ST3GAL4: variants seen among roughly 807,000 people sequenced by gnomAD.
ST3GAL4 encodes CMP-N-acetylneuraminate-beta-galactosamide-alpha-2,3-sialyltransferase 4.
In ST3GAL4, 24 loss-of-function variants were observed where a neutral mutation model predicts 42.6. The observed-to-expected ratio is 0.56, with a 90% CI of 0.41 to 0.79. ST3GAL4 has a LOEUF of 0.79. ST3GAL4 is among the 30% of genes least tolerant of loss of function. ST3GAL4 has a pLI of 0.00. For missense variants in ST3GAL4, 311 were observed against 430.8 expected (o/e 0.72, Z 2.46); for synonymous variants, 135 against 163.2 (o/e 0.83, Z 1.32).
intron 1 of ST3GAL4, chr11:126,405,857 C>CCCTG (rs1158403792): frequency 1.1e-5 from 6 of 555,144 alleles, no homozygotes; most frequent in Non-Finnish European, 1.9e-5. Context: ...AGTCCCGAGT[C>CCCTG]CCTGGCTGGA....
Position 126,406,986 on chromosome 11 carries a change from G to C in ST3GAL4, c.145G>C (p.Gly49Arg), listed in dbSNP as rs1038250715. 5 of 1,614,082 alleles carry C rather than the reference G, an allele frequency of 3.1e-6. No homozygotes were observed. Among genetic ancestry groups the C allele is most frequent in the Non-Finnish European group, 4.2e-6 (5 of 1,180,014 alleles). The change falls in exon 4 of 11, where the codon GGT becomes CGT. Residue 49 changes from glycine (G) to arginine (R), a missense_variant. Coordinates refer to ENST00000444328, the MANE Select transcript of ST3GAL4 (RefSeq NM_001254757.2). This position sits in a 1 kb window ranked among gnomAD's most constrained non-coding sequence, Gnocchi z 5.4. ...IPEKKEPCLQ[G>R]EAESKASKLF... ...AGAGAAGAAGGAGCCGTGCCTCCAG[G>C]GTGAGGCAGAGAGCAAGGCCTCTAA...
rs187809393 is a variant in ST3GAL4, at chr11:126,396,317, C to T, written c.-60-9779C>T. ...TACAGCCCAGGCCCGCGCTGAGGTT[C>T]GGCAGGGAAGCCAGAGGAGTCCGCA... On this transcript the variant is annotated intron_variant, in intron 1 of 10. Transcript: ENST00000444328. This position sits in a 1 kb window ranked among gnomAD's most constrained non-coding sequence, Gnocchi z 5.8. Among the ~76,000 whole-genome samples the T allele has an allele frequency of 6.6e-6, 1 of 152,040 alleles. No individual in the cohort carries two copies. Among genetic ancestry groups the T allele is most frequent in the African/African-American group, 2.4e-5 (1 of 41,318 alleles).
chr11:126,361,919 T>C (rs1952257157), intron 1 of ST3GAL4, among the ~76,000 whole-genome samples: 1 of 151,650 alleles, frequency 6.6e-6, no homozygotes, highest in Non-Finnish European at 1.5e-5. Flanking sequence ...TCTGGCTCTA[T>C]TGCCCAGGCT....
At chr11:126,412,209 T>C (rs1340116275) in intron 9 of ST3GAL4, among the ~76,000 whole-genome samples, 1 of 151,968 alleles carries the variant, frequency 6.6e-6, no homozygotes, top group Non-Finnish European at 1.5e-5. Flanking sequence ...TAGAAGGCCA[T>C]GGAAGTGTGG....
chr11:126,404,541 G>A (rs2135534782), intron 1 of ST3GAL4, among the ~76,000 whole-genome samples: 1 of 152,362 alleles, frequency 6.6e-6, no homozygotes, highest in South Asian at 2.1e-4. Flanking sequence ...ATGAAGGCGA[G>A]GAGGGCCATG....
At position 126,355,811 on chromosome 11, in the gene ST3GAL4, C is replaced by T. The variant is rs868593203; in HGVS notation, c.-92C>T. ...TAGCGGATCGGAGCTGCGCGCGGAACCGTGCTGCCCCGCCCCGCTCCACCC... is the reference window on the plus strand; with the variant it reads ...TAGCGGATCGGAGCTGCGCGCGGAATCGTGCTGCCCCGCCCCGCTCCACCC... On this transcript the variant is annotated 5_prime_UTR_variant, in exon 1 of 11. Transcript: ENST00000444328. This position sits in a 1 kb window ranked among gnomAD's most constrained non-coding sequence, Gnocchi z 7.1. 2.7e-4 allele frequency: 41 copies of T among 150,828 alleles called. No homozygotes were observed. The highest frequency in any genetic ancestry group is 3.4e-3 in the Middle Eastern group (1 of 292). 9.3% of individuals were successfully genotyped at this position (150,828 alleles called of 1,614,324 possible). A position where few individuals can be genotyped will look rare whatever the true frequency, so the allele number is the denominator to read the frequency against.
intron 1 of ST3GAL4, among the ~76,000 whole-genome samples, chr11:126,402,233 A>G (rs112760836): frequency 0.037 from 5,640 of 152,094 alleles, 344 homozygotes; most frequent in African/African-American, 0.13. Flanking sequence ...AGGTAGGTGG[A>G]TCACTTGAGG....
intron 1 of ST3GAL4, among the ~76,000 whole-genome samples, chr11:126,395,868 A>G (rs1372147646): frequency 6.6e-6 from 1 of 152,196 alleles, no homozygotes; most frequent in African/African-American, 2.4e-5. Context: ...AAAACAGACT[A>G]ACGCAGGCAG....
In ST3GAL4 at chr11:126,366,888, C is replaced by T. The variant is rs1952450423; in HGVS notation, c.-61+11046C>T. 6.6e-6 allele frequency among the ~76,000 whole-genome samples: 1 copy of T among 152,192 alleles called. No individual in the cohort carries two copies. ...AGAGCCGAGAGCCTGAATTCAGAGGCTGTACTGTGGGGCAGGGCTGGAATT... is the reference window on the plus strand; with the variant it reads ...AGAGCCGAGAGCCTGAATTCAGAGGTTGTACTGTGGGGCAGGGCTGGAATT... On this transcript the variant is annotated intron_variant, in intron 1 of 10. Coordinates refer to ENST00000444328, the MANE Select transcript of ST3GAL4 (RefSeq NM_001254757.2). The surrounding 1 kb of genome is among the most constrained non-coding windows in gnomAD (Gnocchi z 4.2).
In ST3GAL4 at chr11:126,392,315, C is replaced by T. The variant is rs942232309; in HGVS notation, c.-60-13781C>T. 1.6e-5 allele frequency: 16 copies of T among 985,738 alleles called. No homozygotes were observed. The highest frequency in any genetic ancestry group is 1.0e-4 in the African/African-American group (6 of 57,236). The allele number at this position is 985,738 out of a possible 1,614,324, so 61.1% of individuals were successfully genotyped here. A position where few individuals can be genotyped will look rare whatever the true frequency, so the allele number is the denominator to read the frequency against. On this transcript the variant is annotated intron_variant, in intron 1 of 10. Transcript: ENST00000444328. The surrounding 1 kb of genome is among the most constrained non-coding windows in gnomAD (Gnocchi z 5.8). The stretch of plus-strand genomic sequence containing the variant: ...CCTGGGACTGCACAGAGTTTACTGT[C>T]GGACATCAGTTCTGATATGGTGCAG...
At position 126,398,724 on chromosome 11, in the gene ST3GAL4, G is replaced by A. The variant is rs1009642937; in HGVS notation, c.-60-7372G>A. On this transcript the variant is annotated intron_variant, in intron 1 of 10. Transcript: ENST00000444328. This position sits in a 1 kb window ranked among gnomAD's most constrained non-coding sequence, Gnocchi z 4.7. ...CAATATCCTTTGAAATCTAGTTGGAGGGAGCCAGGCCCATAGCCCCTGCAT... is the reference window on the plus strand; with the variant it reads ...CAATATCCTTTGAAATCTAGTTGGAAGGAGCCAGGCCCATAGCCCCTGCAT... 2.0e-5 allele frequency among the ~76,000 whole-genome samples: 3 copies of A among 152,234 alleles called. No individual in the cohort carries two copies. Among genetic ancestry groups the A allele is most frequent in the Admixed American group, 2.0e-4 (3 of 15,284 alleles).
intron 1 of ST3GAL4, among the ~76,000 whole-genome samples, chr11:126,361,894 T>G (rs1277377619): frequency 3.9e-5 from 6 of 151,916 alleles, no homozygotes; most frequent in Non-Finnish European, 8.8e-5. Flanking sequence ...CTTTTTTTTT[T>G]TTTTTGAGAT....
At chr11:126,389,074 C>T (rs1004420105) in intron 1 of ST3GAL4, among the ~76,000 whole-genome samples, 1 of 152,014 alleles carries the variant, frequency 6.6e-6, no homozygotes, top group Non-Finnish European at 1.5e-5. Context: ...CACCGCTCCC[C>T]GGCTCAGTTG....
Position 126,409,408 on chromosome 11 carries a change from G to A in ST3GAL4, c.768G>A (p.Lys256=). The change falls in exon 9 of 11, where the codon AAG becomes AAA. Residue 256 remains lysine (K), a synonymous_variant. Coordinates refer to ENST00000444328, the MANE Select transcript of ST3GAL4 (RefSeq NM_001254757.2). The surrounding 1 kb of genome is among the most constrained non-coding windows in gnomAD (Gnocchi z 4.9). ...CAATGCAACAGCCACGGAAGATTAA[G>A]CAGGTGATGATGGGAAGTCAGGCCT... ...SLPMQQPRKI[K]QKPTTGLLAI... 6.2e-7 allele frequency: 1 copy of A among 1,614,242 alleles called. No individual in the cohort carries two copies. Among genetic ancestry groups the A allele is most frequent in the Non-Finnish European group, 8.5e-7 (1 of 1,180,040 alleles).
chr11:126,387,320 T>A (rs1253526168), intron 1 of ST3GAL4, among the ~76,000 whole-genome samples: 11 of 152,186 alleles, frequency 7.2e-5, no homozygotes, highest in African/African-American at 2.7e-4. Context: ...TTTCAATATT[T>A]TTTTTCTTCC....
At chr11:126,401,817 T>C (rs1230676277) in intron 1 of ST3GAL4, among the ~76,000 whole-genome samples, 1 of 151,650 alleles carries the variant, frequency 6.6e-6, no homozygotes, top group East Asian at 1.9e-4. Context: ...GGGAGTGGCA[T>C]AGGGGTCGGG....
chr11:126,404,736 G>A (rs1337024970), intron 1 of ST3GAL4, among the ~76,000 whole-genome samples: 1 of 152,214 alleles, frequency 6.6e-6, no homozygotes, highest in Non-Finnish European at 1.5e-5. Context: ...TGGGGATGGT[G>A]CTTCTGACTC....
At chr11:126,387,844 G>A (rs1334053239) in intron 1 of ST3GAL4, among the ~76,000 whole-genome samples, 1 of 152,194 alleles carries the variant, frequency 6.6e-6, no homozygotes, top group Non-Finnish European at 1.5e-5. Flanking sequence ...GGGTATGCAT[G>A]TAACTGTTTT....
intron 5 of ST3GAL4, 65 bp from the exon 6 acceptor site, chr11:126,407,509 G>A: frequency 1.3e-6 from 2 of 1,597,178 alleles, no homozygotes; most frequent in Non-Finnish European, 1.7e-6. Context: ...AGCAGTGGAG[G>A]GAGGGCAGGC....
Sources: allele counts gnomAD v4.1 joint callset (sites outside exome capture counted in the v4.1 genomes callset), GRCh38; gene constraint gnomAD v4.1.1; non-coding constraint Gnocchi (gnomAD v3.1); transcripts MANE v1.5; gene names NCBI Gene and HGNC (gene_info 2026-07-23, HGNC 2026-07-21).